The following RBMS3 variants were observed in gnomAD, a reference collection of about 807,000 sequenced individuals.
RBMS3 encodes RNA binding motif single stranded interacting protein 3.
In RBMS3, 27 loss-of-function variants were observed where a neutral mutation model predicts 66.8. That is an observed-to-expected ratio of 0.40 (90% CI 0.30 to 0.56). RBMS3 has a LOEUF of 0.56. Among genes scored for constraint, RBMS3 ranks in the 20% least tolerant of loss-of-function variants. The pLI is 0.40. For synonymous variants in RBMS3, 188 were observed against 183.0 expected, an observed-to-expected ratio of 1.03 and a Z score of -0.22; for missense variants, 513 against 549.5, an observed-to-expected ratio of 0.93 and a Z score of 0.66.
chr3:29,471,392 T>C (rs1163661700), intron 2 of RBMS3, among the ~76,000 whole-genome samples: 1 of 152,216 alleles, frequency 6.6e-6, no homozygotes, highest in African/African-American at 2.4e-5. Context: ...TATGTTCCTG[T>C]GGCATGTGAA....
intron 4 of RBMS3, among the ~76,000 whole-genome samples, chr3:29,701,849 T>C (rs766616289): frequency 2.0e-5 from 3 of 151,352 alleles, no homozygotes; most frequent in Non-Finnish European, 4.4e-5. Flanking sequence ...GCAGCCGGAG[T>C]CTCACCGAGG....
chr3:29,523,082 T>A (rs958487148), intron 3 of RBMS3, among the ~76,000 whole-genome samples: 2 of 152,208 alleles, frequency 1.3e-5, no homozygotes, highest in African/African-American at 4.8e-5. Flanking sequence ...ATATTCCAGA[T>A]GGGGAAACTG....
chr3:29,388,365 G>A (rs1020995744), intron 1 of RBMS3, among the ~76,000 whole-genome samples: 2 of 152,158 alleles, frequency 1.3e-5, no homozygotes, highest in East Asian at 1.9e-4. Context: ...ATATATAGAT[G>A]CACCATAAAT....
intron 9 of RBMS3, 21 bp from the exon 10 acceptor site, chr3:29,899,684 T>C: frequency 6.2e-7 from 1 of 1,607,366 alleles, no homozygotes. Flanking sequence ...TTTGTGCTAA[T>C]AAATGCTGTT....
intron 2 of RBMS3, among the ~76,000 whole-genome samples, chr3:29,483,322 A>G (rs74449020): frequency 0.02 from 3,033 of 151,772 alleles, 108 homozygotes; most frequent in African/African-American, 0.07. Context: ...AAAAAAAAAA[A>G]AAAGAAAAAA....
At chr3:29,302,229 C>A (rs2033723414) in intron 1 of RBMS3, among the ~76,000 whole-genome samples, 2 of 151,920 alleles carry the variant, frequency 1.3e-5, no homozygotes, top group South Asian at 4.1e-4. Context: ...CCAAGCTGGT[C>A]CAGACCTCCT....
chr3:29,899,648 A>G, intron 9 of RBMS3, 57 bp from the exon 10 acceptor site: 1 of 1,536,714 alleles, frequency 6.5e-7, no homozygotes, highest in South Asian at 1.1e-5. Flanking sequence ...CACTGAACAC[A>G]AGAACCAAGT....
intron 12 of RBMS3, among the ~76,000 whole-genome samples, chr3:29,946,092 T>G (rs891898472): frequency 1.4e-4 from 22 of 151,774 alleles, no homozygotes; most frequent in Admixed American, 1.4e-3. Flanking sequence ...ATTTTCCCCT[T>G]GTAAGATTTA....
At chr3:29,880,691 C>T in intron 7 of RBMS3, 1 of 1,254,578 alleles carries the variant, frequency 8.0e-7, no homozygotes, top group South Asian at 1.3e-5. Flanking sequence ...TCAAACAACC[C>T]TTTGCTTAAC....
chr3:29,474,190 C>A (rs973674611), intron 2 of RBMS3, among the ~76,000 whole-genome samples: 9 of 152,252 alleles, frequency 5.9e-5, no homozygotes, highest in African/African-American at 2.2e-4. Flanking sequence ...AGACCATACA[C>A]TTTTGTTTAT....
chr3:29,409,995 A>T (rs1270447018), intron 1 of RBMS3, among the ~76,000 whole-genome samples: 2 of 152,144 alleles, frequency 1.3e-5, no homozygotes, highest in Admixed American at 1.3e-4. Flanking sequence ...TTTGGCAGCC[A>T]CCGTTTCTTT....
chr3:29,457,512 A>G (rs1263707475), intron 2 of RBMS3, among the ~76,000 whole-genome samples: 1 of 152,166 alleles, frequency 6.6e-6, no homozygotes. Flanking sequence ...GCTTGATGTC[A>G]GGAGTTCGAG....
chr3:29,469,558 T>C (rs2042649388), intron 2 of RBMS3, among the ~76,000 whole-genome samples: 1 of 151,750 alleles, frequency 6.6e-6, no homozygotes, highest in Admixed American at 6.6e-5. Flanking sequence ...TCTTACACCA[T>C]CATGATTGAA....
chr3:29,924,453 G>A (rs868751536), intron 10 of RBMS3, among the ~76,000 whole-genome samples: 1 of 151,992 alleles, frequency 6.6e-6, no homozygotes, highest in Middle Eastern at 3.4e-3. Context: ...AATGACATCT[G>A]AAGAGAGTAT....
chr3:29,874,448 GC>G (rs1463320878), intron 7 of RBMS3, among the ~76,000 whole-genome samples: 2 of 152,148 alleles, frequency 1.3e-5, no homozygotes, highest in African/African-American at 4.8e-5. Flanking sequence ...ATACCACAGT[GC>G]TTGGCAATTC....
Position 29,783,826 on chromosome 3 carries a change from T to TA in RBMS3, c.637+20840dup, listed in dbSNP as rs1192558405. ...CTCATCTAACATATAAGGCCTCACA[T>TA]AAACTTAAGGTAAAGGGATGGAAAA... On this transcript the variant is annotated intron_variant, in intron 6 of 14. Transcript: ENST00000383767. Among the ~76,000 whole-genome samples, 13 of 152,110 alleles carry TA rather than the reference T, an allele frequency of 8.5e-5. No individual in the cohort carries two copies. The East Asian group carries it at 2.5e-3, about 29-fold the overall frequency.
At chr3:29,754,681 C>G (rs1261263644) in intron 5 of RBMS3, among the ~76,000 whole-genome samples, 1 of 152,098 alleles carries the variant, frequency 6.6e-6, no homozygotes, top group Non-Finnish European at 1.5e-5. Flanking sequence ...AGATGGCCAC[C>G]CAGGAGCCTA....
At chr3:29,505,931 A>G (rs957408336) in intron 3 of RBMS3, among the ~76,000 whole-genome samples, 7 of 151,890 alleles carry the variant, frequency 4.6e-5, no homozygotes, top group Non-Finnish European at 1.0e-4. Flanking sequence ...TTTTTTATCC[A>G]GCAATTTTAC....
In RBMS3 at chr3:29,754,207, C is replaced by G. The variant is rs60045979; in HGVS notation, c.558-8703C>G. On this transcript the variant is annotated intron_variant, in intron 5 of 14. Coordinates refer to ENST00000383767, the MANE Select transcript of RBMS3 (RefSeq NM_001003793.3). Reference sequence around the variant, plus strand: ...ACCTCAAGTGATCCTCTTGCCTCAGCCTCCCAAAGTGCTGGGATCACAGGC... The same window carrying G: ...ACCTCAAGTGATCCTCTTGCCTCAGGCTCCCAAAGTGCTGGGATCACAGGC... Among the ~76,000 whole-genome samples, 891 of 152,296 alleles carry G rather than the reference C, an allele frequency of 5.9e-3. 8 individuals are homozygous for G. Among genetic ancestry groups the G allele is most frequent in the African/African-American group, 0.021 (868 of 41,572 alleles).
Sources: allele counts gnomAD v4.1 joint callset (sites outside exome capture counted in the v4.1 genomes callset), GRCh38; gene constraint gnomAD v4.1.1; transcripts MANE v1.5; gene names NCBI Gene and HGNC (gene_info 2026-07-23, HGNC 2026-07-21).